The following ALK variants were observed in gnomAD, a reference collection of about 807,000 sequenced individuals.
ALK encodes ALK receptor tyrosine kinase.
Under a neutral mutation model 163.1 loss-of-function variants are expected in ALK, and 74 were observed. The observed-to-expected ratio is 0.45, with a 90% CI of 0.38 to 0.55. ALK has a LOEUF of 0.55. Among genes scored for constraint, ALK ranks in the 20% least tolerant of loss-of-function variants. The pLI is 0.00. For missense variants in ALK, 2,063 were observed against 2,105.3 expected (o/e 0.98, Z 0.39); for synonymous variants, 960 against 843.2 (o/e 1.14, Z -2.40).
chr2:29,792,367 G>C (rs1664209565), intron 1 of ALK, among the ~76,000 whole-genome samples: 1 of 152,116 alleles, frequency 6.6e-6, no homozygotes, highest in South Asian at 2.1e-4. Flanking sequence ...CTCAGTTTCA[G>C]GGGGAGGGTA....
intron 13 of ALK, among the ~76,000 whole-genome samples, chr2:29,239,094 T>G (rs1664454043): frequency 6.6e-6 from 1 of 152,350 alleles, no homozygotes; most frequent in East Asian, 1.9e-4. Context: ...TGAGACATTT[T>G]TTATGCAAAA....
intron 2 of ALK, among the ~76,000 whole-genome samples, chr2:29,707,728 G>C (rs1678953239): frequency 6.6e-6 from 1 of 152,188 alleles, no homozygotes; most frequent in Non-Finnish European, 1.5e-5. Flanking sequence ...GGCAAAACTA[G>C]GGACTTAAAA....
chr2:29,689,986 A>T (rs1678348948), intron 3 of ALK, among the ~76,000 whole-genome samples: 1 of 152,208 alleles, frequency 6.6e-6, no homozygotes, highest in Non-Finnish European at 1.5e-5. Flanking sequence ...AACCCTGCAG[A>T]CATCTTGATT....
chr2:29,675,022 C>A (rs1677831157), intron 3 of ALK, among the ~76,000 whole-genome samples: 1 of 150,996 alleles, frequency 6.6e-6, no homozygotes, highest in African/African-American at 2.4e-5. Context: ...GTGGTGATAT[C>A]CCCTTTATCA....
intron 3 of ALK, among the ~76,000 whole-genome samples, chr2:29,613,920 G>A (rs546895289): frequency 6.6e-6 from 1 of 152,102 alleles, no homozygotes; most frequent in Non-Finnish European, 1.5e-5. Flanking sequence ...AAAAAGGGGG[G>A]GTTCTACAGC....
chr2:29,853,610 C>T (rs1392997526), intron 1 of ALK, among the ~76,000 whole-genome samples: 1 of 152,208 alleles, frequency 6.6e-6, no homozygotes, highest in Non-Finnish European at 1.5e-5. Context: ...CTACCACTCT[C>T]CATGCAGTCT....
At chr2:29,907,054 A>T (rs1434050747) in intron 1 of ALK, 1 of 137,248 alleles carries the variant, frequency 7.3e-6, no homozygotes, top group African/African-American at 2.8e-5. Flanking sequence ...GGTTCACGCC[A>T]TTCTCCTGCC....
chr2:29,831,186 G>A lies in ALK; in HGVS notation c.667+88807C>T, dbSNP rs1233988215. On this transcript the variant is annotated intron_variant, in intron 1 of 28. Transcript: ENST00000389048. ...GGAGAAGAGGAAGAGGAAGGGGAAG[G>A]GGAAGGGGAAGGGGAAGGGGAAGAG... Among the ~76,000 whole-genome samples, 4 of 56,014 alleles carry A rather than the reference G, an allele frequency of 7.1e-5. 1 individual carries two copies. Among genetic ancestry groups the A allele is most frequent in the Non-Finnish European group, 1.4e-4 (4 of 29,218 alleles). 36.7% of individuals were successfully genotyped at this position (56,014 alleles called of 152,430 possible).
chr2:29,228,891 T>C lies in ALK; in HGVS notation c.2808A>G (p.Gly936=). The C allele has an allele frequency of 6.3e-7, 1 of 1,581,194 alleles. No homozygotes were observed. Among genetic ancestry groups the C allele is most frequent in the East Asian group, 2.2e-5 (1 of 44,656 alleles). Residue 936 remains glycine, a synonymous_variant, in exon 16 of 29, where the codon GGA becomes GGG. Coordinates refer to ENST00000389048, the MANE Select transcript of ALK (RefSeq NM_004304.5). The stretch of plus-strand genomic sequence containing the variant: ...AACACGAATCATCTTTACCTATATA[T>C]CCTCCGCCTCCTCCACCTGAGGAGC... ...GGCSSGGGGG[G]YIGGNAASNN...
intron 1 of ALK, among the ~76,000 whole-genome samples, chr2:29,790,972 A>G (rs909354340): frequency 2.6e-5 from 4 of 152,156 alleles, no homozygotes; most frequent in African/African-American, 9.7e-5. Flanking sequence ...GAAGCCCAAG[A>G]GATAGGAATC....
intron 1 of ALK, among the ~76,000 whole-genome samples, chr2:29,721,493 A>G (rs1441873223): frequency 6.6e-6 from 1 of 152,108 alleles, no homozygotes; most frequent in East Asian, 1.9e-4. Flanking sequence ...TTCCAATACA[A>G]CTAGTTCAAA....
chr2:29,350,981 C>T (rs957275255), intron 5 of ALK, among the ~76,000 whole-genome samples: 2 of 152,162 alleles, frequency 1.3e-5, no homozygotes, highest in East Asian at 1.9e-4. Context: ...TTTGGGAAGG[C>T]TGCATATTCT....
At chr2:29,247,966 G>A (rs1160471063) in intron 12 of ALK, among the ~76,000 whole-genome samples, 3 of 152,126 alleles carry the variant, frequency 2.0e-5, no homozygotes, top group African/African-American at 7.2e-5. Context: ...GTCTTTCAGA[G>A]AAAGGTTGCT....
chr2:29,832,132 T>C (rs1236434795), intron 1 of ALK, among the ~76,000 whole-genome samples: 2 of 152,062 alleles, frequency 1.3e-5, no homozygotes, highest in East Asian at 3.9e-4. Flanking sequence ...GAAACAGTAA[T>C]AAAGGGCATC....
intron 1 of ALK, among the ~76,000 whole-genome samples, chr2:29,838,273 G>A (rs1459688047): frequency 1.3e-5 from 2 of 152,082 alleles, no homozygotes; most frequent in Non-Finnish European, 2.9e-5. Flanking sequence ...AAATAAAAGT[G>A]AGACAAAAAG....
intron 1 of ALK, among the ~76,000 whole-genome samples, chr2:29,743,929 A>C (rs1680132921): frequency 2.0e-5 from 3 of 150,336 alleles, no homozygotes; most frequent in Non-Finnish European, 1.5e-5. Flanking sequence ...GAGATACATA[A>C]AATCTCCCTC....
Position 29,807,462 on chromosome 2 carries a change from A to T in ALK, c.668-89765T>A, listed in dbSNP as rs547617821. ...GGAGGGCTCTGTGCTCAGGGGCCCA[A>T]CACATGCCAGGAGCTTTGGGCAGAG... On this transcript the variant is annotated intron_variant, in intron 1 of 28. Transcript: ENST00000389048. Among the ~76,000 whole-genome samples, 116 of 152,344 alleles carry T rather than the reference A, an allele frequency of 7.6e-4. 1 individual carries two copies. The highest frequency in any genetic ancestry group is 2.7e-3 in the African/African-American group (112 of 41,580).
At chr2:29,393,840 T>G (rs1458682613) in intron 4 of ALK, among the ~76,000 whole-genome samples, 4 of 152,130 alleles carry the variant, frequency 2.6e-5, no homozygotes, top group Non-Finnish European at 5.9e-5. Context: ...TTTGAATACT[T>G]TGGAAAGACT....
At chr2:29,211,961 T>C (rs1415487611) in intron 24 of ALK, among the ~76,000 whole-genome samples, 1 of 152,186 alleles carries the variant, frequency 6.6e-6, no homozygotes, top group Non-Finnish European at 1.5e-5. Context: ...GGGAATGTAA[T>C]CCTGTTAACA....
Sources: gnomAD v4.1 joint callset for allele counts (sites outside exome capture counted in the v4.1 genomes callset) on GRCh38, gnomAD v4.1.1 for gene constraint, MANE v1.5 for transcripts, NCBI Gene and HGNC (gene_info 2026-07-23, HGNC 2026-07-21) for gene names.